Variants in SLC25A48 observed in about 807,000 individuals in gnomAD.
SLC25A48 encodes solute carrier family 25 member 48, also known as CTC-321K16.1.
In SLC25A48, 29 loss-of-function variants were observed where a neutral mutation model predicts 32.2. That is an observed-to-expected ratio of 0.90 (90% CI 0.67 to 1.23). The LOEUF (loss-of-function observed/expected upper bound fraction) is 1.23, where lower values mean the gene tolerates loss of function less well. SLC25A48 is among the 50% of genes most tolerant of loss of function. SLC25A48 has a pLI of 0.00. For missense variants in SLC25A48, 399 were observed against 422.7 expected, an observed-to-expected ratio of 0.94 and a Z score of 0.49; for synonymous variants, 164 against 172.3, an observed-to-expected ratio of 0.95 and a Z score of 0.38.
chr5:135,821,598 A>G (rs994894596), intron 4 of SLC25A48: 7 of 152,192 alleles, frequency 4.6e-5, no homozygotes, highest in African/African-American at 1.7e-4. Flanking sequence ...ATTCCAGAAG[A>G]TGTTTGCATT....
At chr5:135,674,704 G>C (rs947542149) in intron 3 of SLC25A48, among the ~76,000 whole-genome samples, 1 of 151,798 alleles carries the variant, frequency 6.6e-6, no homozygotes, top group Non-Finnish European at 1.5e-5. Flanking sequence ...TAGTATTTAA[G>C]TATGTATGTA....
chr5:135,873,935 C>A, intron 5 of SLC25A48, 86 bp from the exon 6 acceptor site: 1 of 1,372,488 alleles, frequency 7.3e-7, no homozygotes, highest in South Asian at 1.5e-5. Flanking sequence ...CTTAATGAAT[C>A]TCTAAATGGT....
intron 3 of SLC25A48, among the ~76,000 whole-genome samples, chr5:135,775,179 A>AT: frequency 6.6e-6 from 1 of 151,922 alleles, no homozygotes; most frequent in East Asian, 1.9e-4. Context: ...ATTACTCCCA[A>AT]TATCACAAGG....
chr5:135,636,040 T>G (rs1398666464), intron 3 of SLC25A48, among the ~76,000 whole-genome samples: 1 of 152,186 alleles, frequency 6.6e-6, no homozygotes, highest in Non-Finnish European at 1.5e-5. Context: ...TCTACAGATA[T>G]TTAAAGAAGA....
intron 1 of SLC25A48, among the ~76,000 whole-genome samples, chr5:135,588,090 G>A (rs1751414427): frequency 6.6e-6 from 1 of 152,244 alleles, no homozygotes; most frequent in South Asian, 2.1e-4. Flanking sequence ...TGGTGTCGTG[G>A]CTGACGGTCC....
At chr5:135,806,185 T>C (rs1487240703) in intron 3 of SLC25A48, among the ~76,000 whole-genome samples, 1 of 151,742 alleles carries the variant, frequency 6.6e-6, no homozygotes, top group Non-Finnish European at 1.5e-5. Flanking sequence ...GTACACCCCG[T>C]GATATGATTC....
intron 3 of SLC25A48, among the ~76,000 whole-genome samples, chr5:135,767,922 G>A (rs1306455897): frequency 2.0e-5 from 3 of 147,736 alleles, no homozygotes; most frequent in South Asian, 2.1e-4. Flanking sequence ...TATCGCTGGG[G>A]TGTACACACC....
Position 135,871,448 on chromosome 5 carries a change from CCT to C in SLC25A48, c.422-12_422-11del, listed in dbSNP as rs1761633930. 2 of 1,572,524 alleles carry C rather than the reference CCT, an allele frequency of 1.3e-6. No homozygotes were observed. The highest frequency in any genetic ancestry group is 2.2e-5 in the East Asian group (1 of 44,480). On this transcript the variant is annotated splice_polypyrimidine_tract_variant and intron_variant, in intron 4 of 7. Transcript: ENST00000681962. ...CTGGGTCACTTGCCACCTTCTCTCC[CCT>C]GTCTTTGCAGCCAACCTCGGTTTGA... is the stretch of plus-strand genomic sequence containing the variant.
intron 1 of SLC25A48, among the ~76,000 whole-genome samples, chr5:135,620,285 C>A (rs1752293878): frequency 6.6e-6 from 1 of 152,108 alleles, no homozygotes; most frequent in Admixed American, 6.5e-5. Flanking sequence ...GCTGGGCAAT[C>A]CCCAGACCCC....
intron 3 of SLC25A48, among the ~76,000 whole-genome samples, chr5:135,642,969 A>G (rs565840637): frequency 2.2e-4 from 33 of 152,320 alleles, no homozygotes; most frequent in Admixed American, 9.8e-4. Context: ...ATAGGCTCTG[A>G]GGGAAAGGAC....
chr5:135,793,897 A>T (rs4642362), intron 3 of SLC25A48, among the ~76,000 whole-genome samples: 1 of 151,424 alleles, frequency 6.6e-6, no homozygotes, highest in Admixed American at 6.6e-5. Flanking sequence ...TGAGTGTACA[A>T]CATGTGTGTA....
At chr5:135,630,636 C>T (rs1752538313) in intron 2 of SLC25A48, among the ~76,000 whole-genome samples, 2 of 110,646 alleles carry the variant, frequency 1.8e-5, no homozygotes, top group Admixed American at 1.4e-4. Context: ...GAGTCATGCT[C>T]TGTCTCCCAG....
At chr5:135,658,978 G>A (rs1753322837) in intron 3 of SLC25A48, among the ~76,000 whole-genome samples, 1 of 152,236 alleles carries the variant, frequency 6.6e-6, no homozygotes, top group African/African-American at 2.4e-5. Context: ...CGTGATGGGA[G>A]GGGCTGCTGC....
At chr5:135,735,299 A>T (rs1449332461) in intron 3 of SLC25A48, among the ~76,000 whole-genome samples, 1 of 152,164 alleles carries the variant, frequency 6.6e-6, no homozygotes, top group Non-Finnish European at 1.5e-5. Context: ...GGTGAGGTTG[A>T]TTAATTCCTG....
At chr5:135,615,732 A>T (rs1364070566) in intron 1 of SLC25A48, among the ~76,000 whole-genome samples, 1 of 152,200 alleles carries the variant, frequency 6.6e-6, no homozygotes, top group Non-Finnish European at 1.5e-5. Flanking sequence ...TGAAGTTTGC[A>T]TAACTGAAAG....
intron 1 of SLC25A48, among the ~76,000 whole-genome samples, chr5:135,591,807 G>A (rs1048125279): frequency 2.6e-5 from 4 of 152,160 alleles, no homozygotes; most frequent in South Asian, 2.1e-4. Context: ...TACCTGTGAC[G>A]TTGACACCCA....
At chr5:135,686,542 G>GCA (rs1754024269) in intron 3 of SLC25A48, among the ~76,000 whole-genome samples, 1 of 152,182 alleles carries the variant, frequency 6.6e-6, no homozygotes, top group African/African-American at 2.4e-5. Flanking sequence ...CTACACCCTG[G>GCA]CACACTATAG....
intron 3 of SLC25A48, chr5:135,653,698 G>A: frequency 2.4e-6 from 1 of 416,292 alleles, no homozygotes; most frequent in Admixed American, 2.5e-5. Context: ...CCATAAGACA[G>A]ACCAATCTCC....
chr5:135,869,803 T>C (rs905004215), intron 4 of SLC25A48, among the ~76,000 whole-genome samples: 1 of 152,088 alleles, frequency 6.6e-6, no homozygotes, highest in Non-Finnish European at 1.5e-5. Context: ...CCCCCAAAGG[T>C]GGCTACTACC....
Sources: allele counts gnomAD v4.1 joint callset (sites outside exome capture counted in the v4.1 genomes callset), GRCh38; gene constraint gnomAD v4.1.1; transcripts MANE v1.5; gene names NCBI Gene and HGNC (gene_info 2026-07-23, HGNC 2026-07-21).